The following WDFY4 variants were observed in gnomAD, a reference collection of about 807,000 sequenced individuals.
WDFY4 encodes the protein WDFY family member 4, also known as WD repeat- and FYVE domain-containing protein 4.
WDFY4 carries 169 observed loss-of-function variants against 351.9 expected under a neutral mutation model. The observed-to-expected ratio is 0.48, with a 90% CI of 0.42 to 0.55. The LOEUF is 0.55. Among genes scored for constraint, WDFY4 ranks in the 20% least tolerant of loss-of-function variants. The pLI is 0.00. For missense variants in WDFY4, 3,803 were observed against 3,935.6 expected, an observed-to-expected ratio of 0.97 and a Z score of 0.90; for synonymous variants, 1,622 against 1,574.6, an observed-to-expected ratio of 1.03 and a Z score of -0.71.
rs567097224 is a variant in WDFY4, at chr10:48,761,618, C to T, written c.2553+1178C>T. 2.6e-5 allele frequency among the ~76,000 whole-genome samples: 4 copies of T among 152,284 alleles called. No homozygotes were observed. The East Asian group carries it at 7.7e-4, about 29-fold the overall frequency. ...TCTGTCCCGGCAGAACTAACAGCCT[C>T]ATTGTGGGAAGGAAAACTGGTATGG... is the stretch of plus-strand genomic sequence containing the variant. On this transcript the variant is annotated intron_variant, in intron 13 of 61. Transcript: ENST00000325239.
At chr10:48,901,176 C>T (rs1000131428) in intron 46 of WDFY4, among the ~76,000 whole-genome samples, 2 of 152,374 alleles carry the variant, frequency 1.3e-5, no homozygotes, top group East Asian at 1.9e-4. Context: ...GTTCTAGGCG[C>T]ACTTCCTTGG....
rs1414084274 is a variant in WDFY4, at chr10:48,941,854, G to C, written c.7629+6G>C. 1 of 1,551,746 alleles carries C rather than the reference G, an allele frequency of 6.4e-7. No individual in the cohort carries two copies. The highest frequency in any genetic ancestry group is 2.4e-5 in the East Asian group (1 of 40,918). ...TCATGCTGCAGAAGTGGCAGGTACA[G>C]TAGCTCCTCCAGAGGGAAGCCCTCT... On this transcript the variant is annotated splice_donor_region_variant and intron_variant, in intron 48 of 61. Coordinates refer to ENST00000325239, the MANE Select transcript of WDFY4 (RefSeq NM_001394531.1).
chr10:48,863,337 A>G (rs2069411711), intron 39 of WDFY4, among the ~76,000 whole-genome samples: 1 of 152,184 alleles, frequency 6.6e-6, no homozygotes, highest in African/African-American at 2.4e-5. Context: ...CTATTTATCC[A>G]TACTCTCAAT....
intron 47 of WDFY4, chr10:48,913,611 G>T: frequency 6.2e-7 from 1 of 1,614,020 alleles, no homozygotes; most frequent in Non-Finnish European, 8.5e-7. Flanking sequence ...CGACTCACCT[G>T]GCTTTGGAAA....
rs1842865672 is a variant in WDFY4, at chr10:48,982,891, AT to A, written c.*317del. 7.8e-6 allele frequency: 3 copies of A among 385,372 alleles called. No homozygotes were observed. The highest frequency in any genetic ancestry group is 6.5e-5 in the African/African-American group (3 of 46,194). 23.9% of individuals were successfully genotyped at this position (385,372 alleles called of 1,614,324 possible). On this transcript the variant is annotated 3_prime_UTR_variant, in exon 62 of 62. Coordinates refer to ENST00000325239, the MANE Select transcript of WDFY4 (RefSeq NM_001394531.1). ...GGCTATTGCACTGAAAAAAAAAAAGATGGGTCGCTTACTGGAAATTATTGTA... is the reference window on the plus strand; with the variant it reads ...GGCTATTGCACTGAAAAAAAAAAAGAGGGTCGCTTACTGGAAATTATTGTA...
chr10:48,769,430 C>T (rs2065787143), intron 13 of WDFY4, among the ~76,000 whole-genome samples: 2 of 152,198 alleles, frequency 1.3e-5, no homozygotes, highest in South Asian at 4.1e-4. Context: ...ATTTCACTTA[C>T]AGTCTTTTGA....
At chr10:48,951,338 T>C (rs958916558) in intron 51 of WDFY4, among the ~76,000 whole-genome samples, 11 of 152,192 alleles carry the variant, frequency 7.2e-5, no homozygotes, top group African/African-American at 2.4e-4. Context: ...CCCACTTTCT[T>C]GGAGGTGTGA....
chr10:48,729,527 A>G lies in WDFY4; in HGVS notation c.1067A>G (p.Lys356Arg), dbSNP rs1371223473. Reference protein sequence around the residue: ...WLTTCGRSELKVFDSITYPQL... With the variant: ...WLTTCGRSELRVFDSITYPQL... ...ACAACCTGTGGGAGGTCAGAGCTGA[A>G]GGTGTTTGACAGCATCACTTACCCT... The change falls in exon 8 of 62, where the codon AAG becomes AGG. Residue 356 changes from lysine (K) to arginine (R), a missense_variant. By Grantham distance (26) the Lys-to-Arg change is conservative. Around this residue, in one of 3 missense-constraint regions of WDFY4, gnomAD observed 488 missense variants for 456.8 expected, o/e 1.07. Coordinates refer to ENST00000325239, the MANE Select transcript of WDFY4 (RefSeq NM_001394531.1). 2 of 1,551,754 alleles carry G rather than the reference A, an allele frequency of 1.3e-6. No homozygotes were observed. The highest frequency in any genetic ancestry group is 1.7e-6 in the Non-Finnish European group (2 of 1,147,002).
At chr10:48,762,477 G>T (rs2065538693) in intron 13 of WDFY4, among the ~76,000 whole-genome samples, 1 of 152,236 alleles carries the variant, frequency 6.6e-6, no homozygotes, top group African/African-American at 2.4e-5. Flanking sequence ...ACTGGGATAG[G>T]AAGTTAAAAA....
chr10:48,729,616 C>G, intron 8 of WDFY4, 27 bp downstream of exon 8: 1 of 1,550,240 alleles, frequency 6.5e-7, no homozygotes, highest in Non-Finnish European at 8.7e-7. Flanking sequence ...TCTGGGTGAC[C>G]GGAAGAGTCA....
intron 25 of WDFY4, among the ~76,000 whole-genome samples, 181 bp downstream of exon 25, chr10:48,803,540 G>A (rs1471614387): frequency 2.0e-5 from 3 of 152,140 alleles, no homozygotes; most frequent in Non-Finnish European, 4.4e-5. Context: ...TCGGGCCTCA[G>A]GAGGGCAGAT....
chr10:48,731,021 A>T, intron 8 of WDFY4, 89 bp from the exon 9 acceptor site: 1 of 1,368,636 alleles, frequency 7.3e-7, no homozygotes, highest in Non-Finnish European at 9.8e-7. Context: ...GAAACTTCAA[A>T]TGGCATGCCC....
chr10:48,692,845 G>T (rs1261996595), intron 1 of WDFY4, among the ~76,000 whole-genome samples: 4 of 152,222 alleles, frequency 2.6e-5, no homozygotes, highest in Admixed American at 1.3e-4. Context: ...GTATCTTGAT[G>T]CAGCCTTGAA....
intron 1 of WDFY4, among the ~76,000 whole-genome samples, chr10:48,690,870 A>G (rs2063175068): frequency 6.6e-6 from 1 of 152,180 alleles, no homozygotes. Flanking sequence ...AGCCTGAAAA[A>G]GACAACACAA....
chr10:48,939,638 A>G (rs1840645470), intron 47 of WDFY4, among the ~76,000 whole-genome samples: 1 of 152,248 alleles, frequency 6.6e-6, no homozygotes, highest in Non-Finnish European at 1.5e-5. Context: ...AATACTTTCA[A>G]CTAATCACCA....
At chr10:48,759,118 T>C (rs1346520709) in intron 12 of WDFY4, among the ~76,000 whole-genome samples, 2 of 152,170 alleles carry the variant, frequency 1.3e-5, no homozygotes, top group Non-Finnish European at 2.9e-5. Flanking sequence ...CCCTGGACTC[T>C]CTGGTTCCAG....
chr10:48,731,360 C>T lies in WDFY4; in HGVS notation c.1380C>T (p.His460=). 6.4e-7 allele frequency: 1 copy of T among 1,551,792 alleles called. No homozygotes were observed. Among genetic ancestry groups the T allele is most frequent in the South Asian group, 1.2e-5 (1 of 84,066 alleles). The change falls in exon 9 of 62, where the codon CAC becomes CAT. Residue 460 remains histidine (H), a synonymous_variant. Coordinates refer to ENST00000325239, the MANE Select transcript of WDFY4 (RefSeq NM_001394531.1). The part of the protein sequence containing the change: ...QLLEALVFEL[H]YVPHEILRKV... The stretch of plus-strand genomic sequence containing the variant: ...TAGAGGCCCTGGTGTTCGAGCTGCA[C>T]TACGTGCCTCATGAGATCCTGCGAA...
At chr10:48,964,098 T>A in intron 54 of WDFY4, 44 bp downstream of exon 54, 1 of 1,539,640 alleles carries the variant, frequency 6.5e-7, no homozygotes, top group Non-Finnish European at 8.8e-7. Context: ...CAAAAGAGTG[T>A]GTGCAGTGTG....
intron 47 of WDFY4, among the ~76,000 whole-genome samples, chr10:48,932,267 C>T (rs185191237): frequency 3.3e-5 from 5 of 152,256 alleles, no homozygotes; most frequent in Admixed American, 2.0e-4. Flanking sequence ...CAGACTGCAC[C>T]GTCTCCATCA....
Sources: gnomAD v4.1 joint callset for allele counts (sites outside exome capture counted in the v4.1 genomes callset) on GRCh38, gnomAD v4.1.1 for gene constraint, gnomAD v4.1.1 regional missense constraint, MANE v1.5 for transcripts, NCBI Gene and HGNC (gene_info 2026-07-23, HGNC 2026-07-21) for gene names.